FAM83B: variants seen among roughly 807,000 people sequenced by gnomAD.
FAM83B encodes protein FAM83B.
A neutral mutation model predicts 38.8 loss-of-function variants in FAM83B; 26 were observed. The observed-to-expected ratio is 0.67, with a 90% CI of 0.49 to 0.93. The LOEUF (loss-of-function observed/expected upper bound fraction) is 0.93, where lower values mean the gene tolerates loss of function less well. FAM83B is among the 40% of genes least tolerant of loss of function. FAM83B has a pLI of 0.00. For missense variants in FAM83B, 1,237 were observed against 1,197.3 expected (o/e 1.03, Z -0.49); for synonymous variants, 419 against 423.1 (o/e 0.99, Z 0.12).
At chr6:54,856,683 G>A (rs56762989) in intron 1 of FAM83B, among the ~76,000 whole-genome samples, 4,175 of 152,182 alleles carry the variant, frequency 0.027, 199 homozygotes, top group African/African-American at 0.094. Flanking sequence ...ACAAAAAGTC[G>A]AACTAGAGTG....
intron 2 of FAM83B, among the ~76,000 whole-genome samples, chr6:54,879,271 T>C (rs1772069850): frequency 6.6e-6 from 1 of 152,138 alleles, no homozygotes; most frequent in Admixed American, 6.6e-5. Flanking sequence ...TGTAAGTAAC[T>C]TGGATAAGAT....
intron 3 of FAM83B, 69 bp downstream of exon 3, chr6:54,926,604 A>G: frequency 1.6e-6 from 2 of 1,219,296 alleles, no homozygotes; most frequent in African/African-American, 3.0e-5. Context: ...AATGTAAGGC[A>G]TCTTAAGGTA....
intron 2 of FAM83B, among the ~76,000 whole-genome samples, chr6:54,895,538 C>A (rs769181028): frequency 2.6e-5 from 4 of 152,172 alleles, no homozygotes; most frequent in Non-Finnish European, 4.4e-5. Context: ...TATTCAAACT[C>A]AGTTATTGCA....
chr6:54,882,475 G>T (rs1481105822), intron 2 of FAM83B, among the ~76,000 whole-genome samples: 1 of 152,150 alleles, frequency 6.6e-6, no homozygotes, highest in Non-Finnish European at 1.5e-5. Context: ...TGACAGGTCT[G>T]GTATTTGAGC....
chr6:54,877,628 T>A (rs1772032159), intron 2 of FAM83B, among the ~76,000 whole-genome samples: 1 of 152,222 alleles, frequency 6.6e-6, no homozygotes, highest in Non-Finnish European at 1.5e-5. Flanking sequence ...TTAGTAACAA[T>A]ATCAGGTAAC....
At chr6:54,879,399 CA>C (rs1252280569) in intron 2 of FAM83B, among the ~76,000 whole-genome samples, 1 of 152,186 alleles carries the variant, frequency 6.6e-6, no homozygotes, top group Non-Finnish European at 1.5e-5. Flanking sequence ...CAGAACCTCC[CA>C]ACACTTAGTC....
intron 2 of FAM83B, among the ~76,000 whole-genome samples, chr6:54,906,375 A>T (rs1462891637): frequency 6.6e-6 from 1 of 151,982 alleles, no homozygotes; most frequent in Non-Finnish European, 1.5e-5. Flanking sequence ...AATTATTATT[A>T]TTTTTATGCT....
intron 1 of FAM83B, among the ~76,000 whole-genome samples, chr6:54,869,123 G>A (rs1771784169): frequency 1.3e-5 from 2 of 152,210 alleles, no homozygotes; most frequent in South Asian, 4.1e-4. Flanking sequence ...CATTGTGAGA[G>A]ATGGAATGTG....
At chr6:54,938,221 T>C (rs1176003342) in intron 4 of FAM83B, among the ~76,000 whole-genome samples, 2 of 152,178 alleles carry the variant, frequency 1.3e-5, no homozygotes, top group African/African-American at 4.8e-5. Context: ...TATGGTTGAG[T>C]AGTATTCCAT....
intron 2 of FAM83B, among the ~76,000 whole-genome samples, chr6:54,882,720 T>A (rs1772161053): frequency 6.6e-6 from 1 of 152,176 alleles, no homozygotes; most frequent in Non-Finnish European, 1.5e-5. Flanking sequence ...TTACTTCCAC[T>A]CCAGGGCTAC....
intron 2 of FAM83B, among the ~76,000 whole-genome samples, chr6:54,904,363 A>G (rs554639852): frequency 2.6e-5 from 4 of 152,206 alleles, no homozygotes; most frequent in African/African-American, 9.6e-5. Flanking sequence ...TGTGGAGTGA[A>G]TCTACAGGTA....
At chr6:54,890,455 T>C (rs929954746) in intron 2 of FAM83B, among the ~76,000 whole-genome samples, 1 of 152,144 alleles carries the variant, frequency 6.6e-6, no homozygotes, top group African/African-American at 2.4e-5. Flanking sequence ...CTCAAAGTTA[T>C]AGATTTCCCA....
At chr6:54,911,569 C>T (rs1168850508) in intron 2 of FAM83B, among the ~76,000 whole-genome samples, 1 of 152,002 alleles carries the variant, frequency 6.6e-6, no homozygotes, top group Non-Finnish European at 1.5e-5. Context: ...ACTTTGGGCC[C>T]CTTCTTAGCA....
chr6:54,925,550 A>G (rs1386570440), intron 2 of FAM83B, among the ~76,000 whole-genome samples: 1 of 152,118 alleles, frequency 6.6e-6, no homozygotes, highest in African/African-American at 2.4e-5. Context: ...TCTAAATTAT[A>G]TCACCTTTTT....
chr6:54,889,517 G>C (rs1314203328), intron 2 of FAM83B, among the ~76,000 whole-genome samples: 1 of 152,028 alleles, frequency 6.6e-6, no homozygotes, highest in African/African-American at 2.4e-5. Context: ...TCCATGAATA[G>C]GCCTTTATAT....
intron 1 of FAM83B, among the ~76,000 whole-genome samples, chr6:54,860,446 G>A (rs7741045): frequency 0.023 from 3,559 of 152,128 alleles, 165 homozygotes; most frequent in African/African-American, 0.08. Context: ...TTGACAAGCT[G>A]TTTCTAAAAT....
At chr6:54,882,010 G>A (rs1222329601) in intron 2 of FAM83B, among the ~76,000 whole-genome samples, 1 of 152,134 alleles carries the variant, frequency 6.6e-6, no homozygotes, top group Non-Finnish European at 1.5e-5. Context: ...GAGAACATGC[G>A]GTGTCTGGTT....
chr6:54,880,253 A>G (rs1772099122), intron 2 of FAM83B, among the ~76,000 whole-genome samples: 1 of 152,164 alleles, frequency 6.6e-6, no homozygotes, highest in Non-Finnish European at 1.5e-5. Flanking sequence ...TATGGGCATC[A>G]CCCGAATGAT....
Position 54,915,851 on chromosome 6 carries a change from C to T in FAM83B, c.445-10520C>T, listed in dbSNP as rs1773025461. 1.4e-5 allele frequency among the ~76,000 whole-genome samples: 2 copies of T among 145,772 alleles called. 1 individual carries two copies. Among genetic ancestry groups the T allele is most frequent in the South Asian group, 4.4e-4 (2 of 4,498 alleles). On this transcript the variant is annotated intron_variant, in intron 2 of 4. Coordinates refer to ENST00000306858, the MANE Select transcript of FAM83B (RefSeq NM_001010872.3). The stretch of plus-strand genomic sequence containing the variant: ...AAAAAAAAAAAAGAAACTCACATTT[C>T]TAACTCATCCTATGTATACAAACAC...
Sources: gnomAD v4.1 joint callset for allele counts (sites outside exome capture counted in the v4.1 genomes callset) on GRCh38, gnomAD v4.1.1 for gene constraint, MANE v1.5 for transcripts, NCBI Gene and HGNC (gene_info 2026-07-23, HGNC 2026-07-21) for gene names.